PCCA: variants seen among roughly 807,000 people sequenced by gnomAD.
PCCA encodes propionyl-CoA carboxylase subunit alpha, also known as propionyl-CoA carboxylase alpha chain, mitochondrial.
In PCCA, 74 loss-of-function variants were observed where a neutral mutation model predicts 101.3. The observed-to-expected ratio is 0.73, with a 90% CI of 0.61 to 0.89. The LOEUF is 0.89. Ranked by LOEUF, PCCA falls within the 40% of genes least tolerant of loss-of-function variation. The pLI, the probability that PCCA is intolerant of heterozygous loss-of-function variation, is 0.00. For synonymous variants in PCCA, 294 were observed against 313.6 expected (o/e 0.94, Z 0.66); for missense variants, 891 against 907.0 (o/e 0.98, Z 0.23).
At chr13:100,129,610 C>T (rs1278902987) in intron 4 of PCCA, among the ~76,000 whole-genome samples, 1 of 152,158 alleles carries the variant, frequency 6.6e-6, no homozygotes, top group Non-Finnish European at 1.5e-5. Context: ...ACATCCAGGT[C>T]TTATGGTGAT....
chr13:100,357,885 A>T (rs2074122905), intron 18 of PCCA, among the ~76,000 whole-genome samples: 3 of 152,328 alleles, frequency 2.0e-5, no homozygotes, highest in Non-Finnish European at 4.4e-5. Context: ...AGAGTTCCAT[A>T]TGTGAATTCA....
intron 5 of PCCA, among the ~76,000 whole-genome samples, chr13:100,155,880 A>G (rs1028177349): frequency 2.6e-5 from 4 of 152,210 alleles, no homozygotes; most frequent in African/African-American, 9.7e-5. Flanking sequence ...AACCCATATT[A>G]TAGATGTTTA....
At position 100,527,831 on chromosome 13, in the gene PCCA, C is replaced by A. The variant is rs184389052; in HGVS notation, c.2118+79C>A. On this transcript the variant is annotated intron_variant, in intron 23 of 23. Coordinates refer to ENST00000376285, the MANE Select transcript of PCCA (RefSeq NM_000282.4). ...CACCTTTGAATCGTGGGTGGTTTGGCTGGAAAGGGCCACAGAGGCGCCCTC... is the reference window on the plus strand; with the variant it reads ...CACCTTTGAATCGTGGGTGGTTTGGATGGAAAGGGCCACAGAGGCGCCCTC... The A allele has an allele frequency of 2.9e-5, 31 of 1,070,830 alleles. No homozygotes were observed. In the East Asian group the frequency reaches 5.9e-4, roughly 20 times the overall value. 66.3% of individuals were successfully genotyped at this position (1,070,830 alleles called of 1,614,324 possible).
chr13:100,284,330 G>A (rs985801901), intron 12 of PCCA, among the ~76,000 whole-genome samples: 16 of 152,178 alleles, frequency 1.1e-4, no homozygotes, highest in Admixed American at 1.0e-3. Context: ...TTACCCATTT[G>A]TTGTCCCCTA....
At chr13:100,468,339 G>A (rs2082699789) in intron 21 of PCCA, among the ~76,000 whole-genome samples, 1 of 152,194 alleles carries the variant, frequency 6.6e-6, no homozygotes, top group South Asian at 2.1e-4. Context: ...TTAGCCCTTA[G>A]CAAGAGAGTT....
chr13:100,438,479 G>T (rs568207249), intron 20 of PCCA, among the ~76,000 whole-genome samples: 9 of 152,096 alleles, frequency 5.9e-5, no homozygotes, highest in East Asian at 1.9e-4. Flanking sequence ...CCCCAGTCTC[G>T]TGAATGCCTC....
At chr13:100,179,002 G>A (rs898154156) in intron 6 of PCCA, among the ~76,000 whole-genome samples, 11 of 151,044 alleles carry the variant, frequency 7.3e-5, no homozygotes, top group African/African-American at 2.2e-4. Flanking sequence ...GCATGAACCC[G>A]GGAGGTGGAG....
intron 4 of PCCA, chr13:100,150,815 A>G: frequency 6.3e-7 from 1 of 1,585,496 alleles, no homozygotes; most frequent in Non-Finnish European, 8.6e-7. Flanking sequence ...GCTTGGAGCA[A>G]ACTTTAGCTG....
At chr13:100,194,560 G>A (rs2057972433) in intron 6 of PCCA, among the ~76,000 whole-genome samples, 1 of 152,070 alleles carries the variant, frequency 6.6e-6, no homozygotes, top group East Asian at 1.9e-4. Flanking sequence ...TGGGATTACA[G>A]GCGTGTGCCA....
At chr13:100,387,608 C>T (rs2076581637) in intron 19 of PCCA, among the ~76,000 whole-genome samples, 1 of 152,186 alleles carries the variant, frequency 6.6e-6, no homozygotes, top group South Asian at 2.1e-4. Flanking sequence ...ATCAGCTTGA[C>T]ATCTGATGGG....
chr13:100,304,157 A>G (rs2066281634), intron 14 of PCCA, among the ~76,000 whole-genome samples: 1 of 152,248 alleles, frequency 6.6e-6, no homozygotes, highest in Non-Finnish European at 1.5e-5. Flanking sequence ...TACAGTCTTC[A>G]TCCCACCAAA....
chr13:100,416,677 A>G (rs932586103), intron 19 of PCCA, among the ~76,000 whole-genome samples: 1 of 151,490 alleles, frequency 6.6e-6, no homozygotes, highest in Non-Finnish European at 1.5e-5. Flanking sequence ...GACACTCGCC[A>G]CCACGCCCAA....
chr13:100,510,656 T>A (rs545310165), intron 21 of PCCA, among the ~76,000 whole-genome samples: 2 of 152,352 alleles, frequency 1.3e-5, no homozygotes, highest in Non-Finnish European at 2.9e-5. Context: ...GCCTGTTGCA[T>A]CTTTTCTAAT....
chr13:100,471,648 G>T (rs2083023701), intron 21 of PCCA, among the ~76,000 whole-genome samples: 1 of 152,152 alleles, frequency 6.6e-6, no homozygotes, highest in African/African-American at 2.4e-5. Context: ...TTTCTCTGTG[G>T]ATCTTCTCTG....
intron 10 of PCCA, among the ~76,000 whole-genome samples, chr13:100,264,114 A>G (rs1445615353): frequency 9.0e-6 from 1 of 110,702 alleles, no homozygotes; most frequent in Non-Finnish European, 2.0e-5. Flanking sequence ...TATATACGGT[A>G]TCTGTATATC....
intron 4 of PCCA, among the ~76,000 whole-genome samples, chr13:100,135,187 T>C (rs2152331636): frequency 6.6e-6 from 1 of 151,068 alleles, no homozygotes; most frequent in East Asian, 2.0e-4. Flanking sequence ...GAGCCAGGAG[T>C]TTGAGACCAG....
chr13:100,299,258 A>G (rs2065867339), intron 12 of PCCA, among the ~76,000 whole-genome samples: 1 of 152,200 alleles, frequency 6.6e-6, no homozygotes, highest in Non-Finnish European at 1.5e-5. Flanking sequence ...CCACTTTTGG[A>G]TCCCATTCAA....
chr13:100,343,836 A>C (rs1442067507), intron 18 of PCCA, among the ~76,000 whole-genome samples: 1 of 152,184 alleles, frequency 6.6e-6, no homozygotes, highest in Admixed American at 6.5e-5. Context: ...ACACTTTGGG[A>C]GGCCAAGGCG....
At chr13:100,341,560 C>G (rs2071320425) in intron 18 of PCCA, among the ~76,000 whole-genome samples, 1 of 152,198 alleles carries the variant, frequency 6.6e-6, no homozygotes, top group African/African-American at 2.4e-5. Flanking sequence ...AGCTCCTGCA[C>G]TGGGCAACTC....
Sources: allele counts gnomAD v4.1 joint callset (sites outside exome capture counted in the v4.1 genomes callset), GRCh38; gene constraint gnomAD v4.1.1; transcripts MANE v1.5; gene names NCBI Gene and HGNC (gene_info 2026-07-23, HGNC 2026-07-21).